NCOA7: variants seen among roughly 807,000 people sequenced by gnomAD.
The protein encoded by NCOA7 is nuclear receptor coactivator 7.
Under a neutral mutation model 104.3 loss-of-function variants are expected in NCOA7, and 45 were observed. The observed-to-expected ratio is 0.43, with a 90% CI of 0.34 to 0.55. NCOA7 has a LOEUF of 0.55. NCOA7 is among the 20% of genes least tolerant of loss of function. NCOA7 has a pLI of 0.02. For missense variants in NCOA7, 1,041 were observed against 1,119.7 expected, an observed-to-expected ratio of 0.93 and a Z score of 1.00; for synonymous variants, 398 against 402.3, an observed-to-expected ratio of 0.99 and a Z score of 0.13.
chr6:125,857,292 C>T (rs9482709), intron 3 of NCOA7, among the ~76,000 whole-genome samples: 5,478 of 152,034 alleles, frequency 0.036, 325 homozygotes, highest in African/African-American at 0.12. Flanking sequence ...GACTGGAGTA[C>T]AATGGTAGGA....
At chr6:125,901,425 TGA>T (rs1289683859) in intron 10 of NCOA7, among the ~76,000 whole-genome samples, 5 of 152,218 alleles carry the variant, frequency 3.3e-5, no homozygotes, top group African/African-American at 1.2e-4. Flanking sequence ...GGCAATGAGA[TGA>T]GAGAGTTCCC....
chr6:125,857,621 C>A (rs1346018622), intron 3 of NCOA7, among the ~76,000 whole-genome samples: 4 of 151,434 alleles, frequency 2.6e-5, no homozygotes, highest in Non-Finnish European at 4.4e-5. Context: ...AGTGCCATGG[C>A]ACAATCTCAG....
intron 11 of NCOA7, among the ~76,000 whole-genome samples, chr6:125,919,825 G>A (rs1295721772): frequency 2.0e-5 from 3 of 152,184 alleles, no homozygotes; most frequent in East Asian, 1.9e-4. Context: ...ACGCCAGCGG[G>A]TACTTTGTAT....
intron 11 of NCOA7, among the ~76,000 whole-genome samples, chr6:125,920,189 T>TA (rs1787447948): frequency 6.6e-6 from 1 of 152,232 alleles, no homozygotes; most frequent in Non-Finnish European, 1.5e-5. Flanking sequence ...TTTTATCATC[T>TA]CTGAACAGTA....
intron 3 of NCOA7, among the ~76,000 whole-genome samples, chr6:125,860,595 A>G (rs1456867746): frequency 6.6e-6 from 1 of 152,134 alleles, no homozygotes; most frequent in East Asian, 1.9e-4. Context: ...TGATCCACCC[A>G]CCTCGGCCTC....
chr6:125,826,425 T>C (rs961528104), intron 2 of NCOA7, among the ~76,000 whole-genome samples: 1 of 152,138 alleles, frequency 6.6e-6, no homozygotes, highest in Admixed American at 6.5e-5. Flanking sequence ...ATATGTAATC[T>C]TTACCTCCTT....
chr6:125,898,168 A>C (rs1785202383), intron 10 of NCOA7, among the ~76,000 whole-genome samples: 1 of 152,196 alleles, frequency 6.6e-6, no homozygotes, highest in African/African-American at 2.4e-5. Context: ...GAACATTTAG[A>C]GCAAAGCCTG....
intron 2 of NCOA7, among the ~76,000 whole-genome samples, chr6:125,852,483 G>A (rs894428533): frequency 2.0e-5 from 3 of 152,068 alleles, no homozygotes; most frequent in East Asian, 1.9e-4. Context: ...GTGAGCCACC[G>A]CGCCCAGCCC....
At chr6:125,874,110 A>G (rs902027460) in intron 3 of NCOA7, among the ~76,000 whole-genome samples, 1 of 152,212 alleles carries the variant, frequency 6.6e-6, no homozygotes, top group Non-Finnish European at 1.5e-5. Context: ...GGATCACCTG[A>G]GGTCAGGAGT....
chr6:125,795,131 G>T (rs73771186), intron 1 of NCOA7, among the ~76,000 whole-genome samples: 9,164 of 152,236 alleles, frequency 0.06, 832 homozygotes, highest in African/African-American at 0.2. Context: ...GACATGATAA[G>T]TTAGGCTTGA....
intron 12 of NCOA7, 27 bp downstream of exon 12, chr6:125,921,095 G>T: frequency 6.2e-7 from 1 of 1,607,144 alleles, no homozygotes; most frequent in Admixed American, 1.7e-5. Context: ...CACCAAGGGT[G>T]GGGGTTCCTA....
chr6:125,894,318 C>A (rs1404045178), intron 10 of NCOA7, among the ~76,000 whole-genome samples: 1 of 152,064 alleles, frequency 6.6e-6, no homozygotes, highest in East Asian at 1.9e-4. Flanking sequence ...ACATTGAGAA[C>A]CACTGGTCGC....
chr6:125,796,564 T>C (rs1444121826), intron 1 of NCOA7: 1 of 152,078 alleles, frequency 6.6e-6, no homozygotes, highest in African/African-American at 2.4e-5. Context: ...AAGTAGATAG[T>C]TGTTATAGTA....
intron 11 of NCOA7, chr6:125,919,536 G>A (rs181533622): frequency 4.9e-5 from 55 of 1,121,146 alleles, no homozygotes; most frequent in Non-Finnish European, 6.9e-5. Context: ...GGATTGTGCT[G>A]ACATTTCTAC....
At chr6:125,845,468 T>G (rs1780521299) in intron 2 of NCOA7, among the ~76,000 whole-genome samples, 1 of 152,172 alleles carries the variant, frequency 6.6e-6, no homozygotes, top group South Asian at 2.1e-4. Flanking sequence ...ACCACCACAT[T>G]ACATACCTAT....
At chr6:125,822,763 C>T (rs954819007) in intron 2 of NCOA7, among the ~76,000 whole-genome samples, 2 of 151,840 alleles carry the variant, frequency 1.3e-5, no homozygotes, top group African/African-American at 2.4e-5. Flanking sequence ...AGTGAAACCC[C>T]GTCTCTACTA....
At chr6:125,804,075 G>T (rs924964226) in intron 1 of NCOA7, among the ~76,000 whole-genome samples, 108 of 152,150 alleles carry the variant, frequency 7.1e-4, no homozygotes, top group Non-Finnish European at 1.2e-4. Context: ...CATATTCTCT[G>T]CAAGGATTTG....
At chr6:125,806,888 T>C (rs1776505268) in intron 1 of NCOA7, among the ~76,000 whole-genome samples, 1 of 152,222 alleles carries the variant, frequency 6.6e-6, no homozygotes, top group South Asian at 2.1e-4. Flanking sequence ...TCTATGAATT[T>C]CATCTCAATA....
intron 10 of NCOA7, among the ~76,000 whole-genome samples, chr6:125,897,600 T>C (rs1157533641): frequency 6.6e-6 from 1 of 152,254 alleles, no homozygotes; most frequent in Non-Finnish European, 1.5e-5. Context: ...TCAATATATA[T>C]TTAAAGACAT....
Sources: gnomAD v4.1 joint callset for allele counts (sites outside exome capture counted in the v4.1 genomes callset) on GRCh38, gnomAD v4.1.1 for gene constraint, MANE v1.5 for transcripts, NCBI Gene and HGNC (gene_info 2026-07-23, HGNC 2026-07-21) for gene names.